Variants in TMEM108 observed in about 807,000 individuals in gnomAD.
TMEM108 encodes the protein transmembrane protein 108, also known as cancer/testis antigen 124.
A neutral mutation model predicts 35.1 loss-of-function variants in TMEM108; 12 were observed. The observed-to-expected ratio is 0.34, with a 90% CI of 0.22 to 0.55. TMEM108 has a LOEUF of 0.55. TMEM108 is among the 20% of genes least tolerant of loss of function. The pLI is 0.89. For missense variants in TMEM108, 680 were observed against 753.3 expected, an observed-to-expected ratio of 0.90 and a Z score of 1.14; for synonymous variants, 287 against 308.6, an observed-to-expected ratio of 0.93 and a Z score of 0.73.
chr3:133,221,384 T>C (rs780228682), intron 2 of TMEM108, among the ~76,000 whole-genome samples: 20 of 152,120 alleles, frequency 1.3e-4, no homozygotes, highest in Non-Finnish European at 2.6e-4. Context: ...ACAAAGGTCA[T>C]AGGGGCTTTG....
At chr3:133,143,683 C>T (rs900023697) in intron 2 of TMEM108, among the ~76,000 whole-genome samples, 1 of 152,162 alleles carries the variant, frequency 6.6e-6, no homozygotes, top group African/African-American at 2.4e-5. Context: ...TCTCCTAAGC[C>T]CCCTGGGTAG....
Position 133,073,510 on chromosome 3 carries a change from C to CTCTCTCTATATA in TMEM108, c.-47+27491_-47+27492insCTCTCTATATAT. On this transcript the variant is annotated intron_variant, in intron 2 of 5. Coordinates refer to ENST00000321871, the MANE Select transcript of TMEM108 (RefSeq NM_023943.4). ...TCTCTCTCTCTCTCTCTCTCTCTCT[C>CTCTCTCTATATA]TATATATATATATATATATATATAT... 2.4e-3 allele frequency among the ~76,000 whole-genome samples: 105 copies of CTCTCTCTATATA among 43,890 alleles called. 1 individual carries two copies. The highest frequency in any genetic ancestry group is 0.016 in the Middle Eastern group (1 of 64). The allele number at this position is 43,890 out of a possible 152,430, so 28.8% of individuals were successfully genotyped here. A position where few individuals can be genotyped will look rare whatever the true frequency, so the allele number is the denominator to read the frequency against.
At chr3:133,300,150 A>G (rs1396752004) in intron 3 of TMEM108, among the ~76,000 whole-genome samples, 1 of 152,162 alleles carries the variant, frequency 6.6e-6, no homozygotes, top group Non-Finnish European at 1.5e-5. Flanking sequence ...ATGTTTGTTT[A>G]AATAAGCAAG....
At chr3:133,164,757 G>A (rs139202539) in intron 2 of TMEM108, among the ~76,000 whole-genome samples, 46 of 152,222 alleles carry the variant, frequency 3.0e-4, no homozygotes, top group African/African-American at 1.1e-3. Flanking sequence ...AGGGGTTCTT[G>A]TGCACCTTAA....
intron 3 of TMEM108, among the ~76,000 whole-genome samples, chr3:133,277,731 G>C (rs1317051518): frequency 6.6e-6 from 1 of 152,228 alleles, no homozygotes; most frequent in Non-Finnish European, 1.5e-5. Flanking sequence ...TTTCTGCTGA[G>C]ATTGGAGGTG....
intron 2 of TMEM108, among the ~76,000 whole-genome samples, chr3:133,131,280 C>T (rs143129581): frequency 6.6e-5 from 10 of 152,110 alleles, no homozygotes; most frequent in African/African-American, 2.4e-4. Flanking sequence ...TCAACGTTTA[C>T]AAACTTAGTA....
intron 2 of TMEM108, among the ~76,000 whole-genome samples, chr3:133,197,226 A>C (rs1945591470): frequency 6.6e-6 from 1 of 152,208 alleles, no homozygotes; most frequent in African/African-American, 2.4e-5. Flanking sequence ...TAGTACAGGT[A>C]ATTAAAGGTT....
chr3:133,190,400 G>A (rs529407306), intron 2 of TMEM108, among the ~76,000 whole-genome samples: 3 of 152,266 alleles, frequency 2.0e-5, no homozygotes, highest in Non-Finnish European at 2.9e-5. Flanking sequence ...TATTTCAAGG[G>A]TAGAAGAATA....
intron 3 of TMEM108, among the ~76,000 whole-genome samples, chr3:133,254,738 C>T (rs948110060): frequency 1.3e-5 from 2 of 152,172 alleles, no homozygotes; most frequent in African/African-American, 4.8e-5. Flanking sequence ...TTACCCCAGA[C>T]CTTCGTGGCA....
At position 133,386,757 on chromosome 3, in the gene TMEM108, A is replaced by G. The variant is rs187922395; in HGVS notation, c.1451-3423A>G. Reference sequence around the variant, plus strand: ...CGCAGTTTACAAAACGCTTCTGCATATGTCATCTCTATACCCTCCGGTGTT... The same window carrying G: ...CGCAGTTTACAAAACGCTTCTGCATGTGTCATCTCTATACCCTCCGGTGTT... On this transcript the variant is annotated intron_variant, in intron 4 of 5. Coordinates refer to ENST00000321871, the MANE Select transcript of TMEM108 (RefSeq NM_023943.4). 642 of 1,208,792 alleles carry G rather than the reference A, an allele frequency of 5.3e-4. 3 individuals are homozygous for G. Among genetic ancestry groups the G allele is most frequent in the Non-Finnish European group, 2.7e-4 (255 of 954,328 alleles). 74.9% of individuals were successfully genotyped at this position (1,208,792 alleles called of 1,614,324 possible).
intron 2 of TMEM108, among the ~76,000 whole-genome samples, chr3:133,102,653 A>G (rs1489707366): frequency 1.3e-5 from 2 of 152,240 alleles, no homozygotes; most frequent in African/African-American, 4.8e-5. Context: ...ATAAATGAAA[A>G]TGAATTTCTT....
At chr3:133,291,118 A>C (rs1199230566) in intron 3 of TMEM108, among the ~76,000 whole-genome samples, 1 of 152,180 alleles carries the variant, frequency 6.6e-6, no homozygotes, top group Non-Finnish European at 1.5e-5. Flanking sequence ...TACAGAGGTC[A>C]ATCCCAGAAA....
At chr3:133,109,471 GAA>G (rs35389489) in intron 2 of TMEM108, among the ~76,000 whole-genome samples, 1 of 148,800 alleles carries the variant, frequency 6.7e-6, no homozygotes, top group Non-Finnish European at 1.5e-5. Flanking sequence ...TCCACAAAAA[GAA>G]AAAAAAAATT....
At chr3:133,340,108 TAAATG>T (rs1056573909) in intron 3 of TMEM108, among the ~76,000 whole-genome samples, 13 of 148,730 alleles carry the variant, frequency 8.7e-5, no homozygotes, top group African/African-American at 2.0e-4. Context: ...AGAACAGAAA[TAAATG>T]AAATGAAATG....
At position 133,346,650 on chromosome 3, in the gene TMEM108, A is replaced by G. The variant is rs957843398; in HGVS notation, c.41-33102A>G. On this transcript the variant is annotated intron_variant, in intron 3 of 5. Coordinates refer to ENST00000321871, the MANE Select transcript of TMEM108 (RefSeq NM_023943.4). This position sits in a 1 kb window ranked among gnomAD's most constrained non-coding sequence, Gnocchi z 4.0. ...TCACAGCAGAAGTTTTAAATTTAAT[A>G]AAGTCCAGCTTATCATTTTTTTCTT... Among the ~76,000 whole-genome samples, 1 of 152,046 alleles carries G rather than the reference A, an allele frequency of 6.6e-6. No homozygotes were observed. The highest frequency in any genetic ancestry group is 3.2e-3 in the Middle Eastern group (1 of 316).
At chr3:133,271,244 GA>G (rs1442400976) in intron 3 of TMEM108, among the ~76,000 whole-genome samples, 1 of 152,184 alleles carries the variant, frequency 6.6e-6, no homozygotes, top group East Asian at 1.9e-4. Context: ...CTGTAGAACG[GA>G]AAGAGTTGGG....
intron 3 of TMEM108, among the ~76,000 whole-genome samples, chr3:133,302,058 G>A (rs1947232123): frequency 6.6e-6 from 1 of 152,188 alleles, no homozygotes; most frequent in African/African-American, 2.4e-5. Flanking sequence ...GAAGGATGCA[G>A]GGCAAATGGG....
chr3:133,381,109 G>C lies in TMEM108; in HGVS notation c.1398G>C (p.Lys466Asn), dbSNP rs1401794586. The part of the protein sequence containing the change: ...PQHRATICLS[K>N]MDIAWVILAI... The stretch of plus-strand genomic sequence containing the variant: ...ACAGAGCCACCATCTGCCTGAGCAA[G>C]ATGGATATCGCCTGGGTGATCCTGG... The change falls in exon 4 of 6, where the codon AAG becomes AAC. Residue 466 changes from lysine (K) to asparagine (N), a missense_variant. Physicochemically the swap from Lys to Asn is moderately conservative, Grantham distance 94. This residue lies in a region of TMEM108 where 105 missense variants were observed against 150.7 expected (regional missense o/e 0.70). Transcript: ENST00000321871. 1.9e-6 allele frequency: 3 copies of C among 1,613,352 alleles called. No homozygotes were observed. The highest frequency in any genetic ancestry group is 2.5e-6 in the Non-Finnish European group (3 of 1,179,522).
chr3:133,156,363 T>C (rs976921335), intron 2 of TMEM108, among the ~76,000 whole-genome samples: 3 of 152,152 alleles, frequency 2.0e-5, no homozygotes, highest in African/African-American at 4.8e-5. Flanking sequence ...GTATAGTATA[T>C]AGGAAGAGAT....
Sources: allele counts gnomAD v4.1 joint callset (sites outside exome capture counted in the v4.1 genomes callset), GRCh38; gene constraint gnomAD v4.1.1; regional missense constraint gnomAD v4.1.1; non-coding constraint Gnocchi (gnomAD v3.1); transcripts MANE v1.5; gene names NCBI Gene and HGNC (gene_info 2026-07-23, HGNC 2026-07-21).